Variants in COL25A1 observed in about 807,000 individuals in gnomAD.
COL25A1 encodes the protein collagen alpha-1(XXV) chain.
Under a neutral mutation model 128.4 loss-of-function variants are expected in COL25A1, and 103 were observed. The ratio of observed to expected loss-of-function variants is 0.80; its 90% CI spans 0.68 to 0.94. The LOEUF (loss-of-function observed/expected upper bound fraction) is 0.94, where lower values mean the gene tolerates loss of function less well. Ranked by LOEUF, COL25A1 falls within the 40% of genes least tolerant of loss-of-function variation. The pLI, the probability that COL25A1 is intolerant of heterozygous loss-of-function variation, is 0.00. For synonymous variants in COL25A1, 279 were observed against 277.2 expected (o/e 1.01, Z -0.06); for missense variants, 745 against 840.0 (o/e 0.89, Z 1.40).
At chr4:109,082,205 C>G (rs1239416471) in intron 3 of COL25A1, among the ~76,000 whole-genome samples, 2 of 152,192 alleles carry the variant, frequency 1.3e-5, no homozygotes, top group African/African-American at 4.8e-5. Flanking sequence ...ATCCATTCAT[C>G]AGCTGATGGA....
At position 108,917,985 on chromosome 4, in the gene COL25A1, CCTGA is replaced by C. The variant is rs200217660; in HGVS notation, c.780+183_780+186del. On this transcript the variant is annotated intron_variant, in intron 13 of 37. Coordinates refer to ENST00000399132, the MANE Select transcript of COL25A1 (RefSeq NM_198721.4). ...TGAAATGGAAAATCTTCAAAGAATT[CCTGA>C]CTATTTAATGCATCTTTAAAAATTA... 7.7e-3 allele frequency among the ~76,000 whole-genome samples: 1,165 copies of C among 152,178 alleles called. 9 individuals are homozygous for C. Among genetic ancestry groups the C allele is most frequent in the African/African-American group, 0.026 (1,068 of 41,530 alleles).
Position 109,302,577 on chromosome 4 carries a change from T to G in COL25A1, c.-465A>C, listed in dbSNP as rs6843376. Reference sequence around the variant, plus strand: ...CGCAGCGCGAAAGGGGCGACTAAGGTGGAGAAGAGAGAGGAAAACGAAATA... The same window carrying G: ...CGCAGCGCGAAAGGGGCGACTAAGGGGGAGAAGAGAGAGGAAAACGAAATA... On this transcript the variant is annotated 5_prime_UTR_variant, in exon 1 of 38. Coordinates refer to ENST00000399132, the MANE Select transcript of COL25A1 (RefSeq NM_198721.4). The G allele has an allele frequency of 0.55, 84,861 of 153,246 alleles. 26,027 individuals carry two copies. The highest frequency in any genetic ancestry group is 0.84 in the African/African-American group (34,989 of 41,596). 9.5% of individuals were successfully genotyped at this position (153,246 alleles called of 1,614,324 possible).
At chr4:109,088,732 T>G (rs778515765) in intron 3 of COL25A1, among the ~76,000 whole-genome samples, 1 of 152,174 alleles carries the variant, frequency 6.6e-6, no homozygotes, top group Non-Finnish European at 1.5e-5. Flanking sequence ...TACATTCGAA[T>G]AGAAGACATA....
At chr4:109,204,128 G>T (rs1776794437) in intron 3 of COL25A1, among the ~76,000 whole-genome samples, 1 of 152,122 alleles carries the variant, frequency 6.6e-6, no homozygotes, top group African/African-American at 2.4e-5. Context: ...TCAAGTTGTT[G>T]CTTCTATAAA....
At chr4:109,258,437 C>G (rs1253106383) in intron 3 of COL25A1, among the ~76,000 whole-genome samples, 1 of 149,516 alleles carries the variant, frequency 6.7e-6, no homozygotes, top group Admixed American at 6.6e-5. Flanking sequence ...AGTATATCAT[C>G]TGTAAAATGG....
At chr4:109,104,933 A>T (rs1251251870) in intron 3 of COL25A1, among the ~76,000 whole-genome samples, 1 of 152,180 alleles carries the variant, frequency 6.6e-6, no homozygotes, top group Non-Finnish European at 1.5e-5. Context: ...ATTGCTATTT[A>T]TTAGATGCAA....
chr4:109,288,000 G>A (rs1724053038), intron 3 of COL25A1, among the ~76,000 whole-genome samples: 1 of 151,252 alleles, frequency 6.6e-6, no homozygotes, highest in Admixed American at 6.7e-5. Context: ...GATGGGAACT[G>A]GCTGGAAGTA....
chr4:109,199,030 T>C (rs539107418), intron 3 of COL25A1, among the ~76,000 whole-genome samples: 1 of 152,300 alleles, frequency 6.6e-6, no homozygotes, highest in Admixed American at 6.5e-5. Flanking sequence ...AACTGTTAGT[T>C]TGAGATTTGA....
intron 8 of COL25A1, among the ~76,000 whole-genome samples, chr4:108,960,191 C>T (rs1750527396): frequency 1.5e-5 from 2 of 135,088 alleles, no homozygotes; most frequent in East Asian, 2.4e-4. Context: ...GCTCTTAACA[C>T]AAACAGTAGT....
At chr4:108,857,111 G>A (rs950900074) in intron 24 of COL25A1, among the ~76,000 whole-genome samples, 1 of 152,028 alleles carries the variant, frequency 6.6e-6, no homozygotes, top group African/African-American at 2.4e-5. Flanking sequence ...TGCAGAAAAT[G>A]CCCAATTATA....
At chr4:108,983,852 G>C (rs906872373) in intron 6 of COL25A1, among the ~76,000 whole-genome samples, 1 of 152,154 alleles carries the variant, frequency 6.6e-6, no homozygotes, top group African/African-American at 2.4e-5. Context: ...ATGGCAGTGT[G>C]GACCCGAAGA....
At chr4:109,082,421 A>G (rs1763923150) in intron 3 of COL25A1, among the ~76,000 whole-genome samples, 1 of 152,226 alleles carries the variant, frequency 6.6e-6, no homozygotes, top group South Asian at 2.1e-4. Context: ...CAGTCCCATC[A>G]GCATGTATGA....
chr4:109,167,984 A>G (rs113752408), intron 3 of COL25A1, among the ~76,000 whole-genome samples: 3,547 of 152,224 alleles, frequency 0.023, 121 homozygotes, highest in African/African-American at 0.073. Context: ...CTGTAACCCA[A>G]TCAATTTGGG....
chr4:109,007,903 T>A (rs1526141), intron 6 of COL25A1, among the ~76,000 whole-genome samples: 9 of 152,082 alleles, frequency 5.9e-5, no homozygotes, highest in East Asian at 3.9e-4. Context: ...ATGATCTTTC[T>A]TCTGTTTATT....
chr4:109,080,512 TC>T (rs972397711), intron 3 of COL25A1, among the ~76,000 whole-genome samples: 3 of 152,172 alleles, frequency 2.0e-5, no homozygotes, highest in Non-Finnish European at 4.4e-5. Flanking sequence ...CAAGTTCTTT[TC>T]CAACAACTCC....
At chr4:108,915,541 A>G (rs1472756835) in intron 13 of COL25A1, among the ~76,000 whole-genome samples, 4 of 152,080 alleles carry the variant, frequency 2.6e-5, no homozygotes, top group African/African-American at 7.2e-5. Flanking sequence ...TCTTTTTTTC[A>G]AACATAAGAA....
At chr4:108,943,347 G>A (rs1475853603) in intron 8 of COL25A1, among the ~76,000 whole-genome samples, 1 of 152,112 alleles carries the variant, frequency 6.6e-6, no homozygotes, top group Non-Finnish European at 1.5e-5. Context: ...GACAACAACA[G>A]GGAACAAAAT....
At chr4:108,972,332 G>T (rs1752000076) in intron 8 of COL25A1, among the ~76,000 whole-genome samples, 1 of 152,140 alleles carries the variant, frequency 6.6e-6, no homozygotes, top group Non-Finnish European at 1.5e-5. Context: ...CCTAAATAGA[G>T]AATGTGGGTA....
At chr4:109,000,926 C>T (rs1196296548) in intron 6 of COL25A1, among the ~76,000 whole-genome samples, 5 of 151,436 alleles carry the variant, frequency 3.3e-5, no homozygotes, top group African/African-American at 9.7e-5. Flanking sequence ...TCTAAGGATT[C>T]GGAGGAAAGG....
Sources: allele counts gnomAD v4.1 joint callset (sites outside exome capture counted in the v4.1 genomes callset), GRCh38; gene constraint gnomAD v4.1.1; transcripts MANE v1.5; gene names NCBI Gene and HGNC (gene_info 2026-07-23, HGNC 2026-07-21).